The following RETREG1 variants were observed in gnomAD, a reference collection of about 807,000 sequenced individuals.
RETREG1 encodes the protein reticulophagy regulator 1.
In RETREG1, 44 loss-of-function variants were observed where a neutral mutation model predicts 54.8. That is an observed-to-expected ratio of 0.80 (90% CI 0.63 to 1.03). RETREG1 has a LOEUF of 1.03. Ranked by LOEUF, RETREG1 falls within the 50% of genes least tolerant of loss-of-function variation. The pLI, the probability that RETREG1 is intolerant of heterozygous loss-of-function variation, is 0.00. For missense variants in RETREG1, 554 were observed against 605.1 expected, an observed-to-expected ratio of 0.92 and a Z score of 0.89; for synonymous variants, 217 against 238.5, an observed-to-expected ratio of 0.91 and a Z score of 0.83.
intron 3 of RETREG1, among the ~76,000 whole-genome samples, chr5:16,525,805 T>C (rs1253426448): frequency 6.6e-6 from 1 of 151,984 alleles, no homozygotes; most frequent in Non-Finnish European, 1.5e-5. Flanking sequence ...AAATGGCTCA[T>C]GTGACTATGA....
Position 16,574,413 on chromosome 5 carries a change from C to T in RETREG1, c.321-2311G>A, listed in dbSNP as rs765701101. Among the ~76,000 whole-genome samples, 32 of 152,058 alleles carry T rather than the reference C, an allele frequency of 2.1e-4. 1 individual carries two copies. Among genetic ancestry groups the T allele is most frequent in the Non-Finnish European group, 3.4e-4 (23 of 68,020 alleles). ...TCTGAGGGCAACAGGAAGGATGTGACGGGGTAGGGAGGAAGCATGGAGTCC... is the reference window on the plus strand; with the variant it reads ...TCTGAGGGCAACAGGAAGGATGTGATGGGGTAGGGAGGAAGCATGGAGTCC... On this transcript the variant is annotated intron_variant, in intron 1 of 8. Transcript: ENST00000306320.
intron 1 of RETREG1, among the ~76,000 whole-genome samples, chr5:16,586,778 A>G (rs78253135): frequency 0.018 from 2,810 of 152,334 alleles, 100 homozygotes; most frequent in African/African-American, 0.065. Flanking sequence ...CTGCTGTAAC[A>G]AAATACCACA....
At chr5:16,496,204 T>C (rs77552802) in intron 3 of RETREG1, among the ~76,000 whole-genome samples, 3,630 of 152,316 alleles carry the variant, frequency 0.024, 153 homozygotes, top group African/African-American at 0.082. Context: ...TTATATGTAT[T>C]ACAATATAGG....
intron 3 of RETREG1, among the ~76,000 whole-genome samples, chr5:16,536,402 A>G (rs1234963121): frequency 1.3e-5 from 2 of 152,178 alleles, no homozygotes; most frequent in Admixed American, 1.3e-4. Context: ...GTCTGTGAAT[A>G]TGAGGAATCT....
In RETREG1 at chr5:16,478,061, T is replaced by C. The variant is rs1363829823; in HGVS notation, c.846A>G (p.Glu282=). 6.2e-7 allele frequency: 1 copy of C among 1,610,584 alleles called. No homozygotes were observed. The highest frequency in any genetic ancestry group is 8.5e-7 in the Non-Finnish European group (1 of 1,178,090). ...TAGGACAAAGAGCTGAAAAGTCTAA[T>C]TCACTGTCATCTTTGTGACTTTTTT... The part of the protein sequence containing the change: ...DKEKSHKDDS[E]LDFSALCPKI... Residue 282 remains glutamate (E), a synonymous_variant, in exon 7 of 9, where the codon GAA becomes GAG. Transcript: ENST00000306320.
rs147344133 is a variant in RETREG1 at position 16,473,970 on chromosome 5, T to C, written c.*771A>G. ...TCCCAACATCCCTATCACAAACATA[T>C]GACGAATGAACAACAAAACAACTGA... On this transcript the variant is annotated 3_prime_UTR_variant, in exon 9 of 9. Transcript: ENST00000306320. 2.0e-5 allele frequency: 3 copies of C among 152,302 alleles called. No homozygotes were observed. The highest frequency in any genetic ancestry group is 1.9e-4 in the East Asian group (1 of 5,184). The allele number at this position is 152,302 out of a possible 1,614,324, so 9.4% of individuals were successfully genotyped here.
At chr5:16,605,105 TAAAAC>T (rs916756966) in intron 1 of RETREG1, among the ~76,000 whole-genome samples, 6 of 152,040 alleles carry the variant, frequency 3.9e-5, no homozygotes, top group Admixed American at 2.0e-4. Flanking sequence ...CAAACATAAA[TAAAAC>T]AAAACAAAAG....
rs146675536 is a variant in RETREG1, at chr5:16,525,370, C to T, written c.458+40393G>A. ...GCTGATCTGCGTCCTTCGAGATGCTCAAGCCCCTTTCTCCCTTCCCCCCCG... is the reference window on the plus strand; with the variant it reads ...GCTGATCTGCGTCCTTCGAGATGCTTAAGCCCCTTTCTCCCTTCCCCCCCG... On this transcript the variant is annotated intron_variant, in intron 3 of 8. Transcript: ENST00000306320. 2.1e-3 allele frequency among the ~76,000 whole-genome samples: 320 copies of T among 152,230 alleles called. 2 individuals are homozygous for T. The highest frequency in any genetic ancestry group is 7.4e-3 in the African/African-American group (306 of 41,546).
At chr5:16,510,987 T>C (rs1740157652) in intron 3 of RETREG1, among the ~76,000 whole-genome samples, 1 of 152,188 alleles carries the variant, frequency 6.6e-6, no homozygotes, top group Non-Finnish European at 1.5e-5. Context: ...TCTTAGTTGC[T>C]GGTTACCACA....
chr5:16,519,187 C>T (rs1740452170), intron 3 of RETREG1, among the ~76,000 whole-genome samples: 1 of 152,222 alleles, frequency 6.6e-6, no homozygotes, highest in South Asian at 2.1e-4. Flanking sequence ...TACCCCCTCT[C>T]TCTCGCTGCG....
At chr5:16,491,158 C>G (rs1416065664) in intron 3 of RETREG1, among the ~76,000 whole-genome samples, 1 of 152,190 alleles carries the variant, frequency 6.6e-6, no homozygotes, top group Non-Finnish European at 1.5e-5. Flanking sequence ...TCCACATGAT[C>G]CCCCTAGGAC....
chr5:16,592,514 CA>C (rs1232406365), intron 1 of RETREG1, among the ~76,000 whole-genome samples: 1 of 121,828 alleles, frequency 8.2e-6, no homozygotes. Flanking sequence ...GAGCTAAATA[CA>C]GTACTACCAT....
intron 3 of RETREG1, among the ~76,000 whole-genome samples, chr5:16,564,926 T>C (rs1428063675): frequency 6.6e-6 from 1 of 152,370 alleles, no homozygotes; most frequent in South Asian, 2.1e-4. Flanking sequence ...TTTCATGGCA[T>C]TATTTTGTCC....
chr5:16,496,570 T>C (rs1354195922), intron 3 of RETREG1, among the ~76,000 whole-genome samples: 1 of 152,130 alleles, frequency 6.6e-6, no homozygotes, highest in African/African-American at 2.4e-5. Context: ...CTAGGAAACA[T>C]AGTTCAATTG....
chr5:16,514,913 A>ATATT (rs1554018609), intron 3 of RETREG1, among the ~76,000 whole-genome samples: 1 of 144,068 alleles, frequency 6.9e-6, no homozygotes, highest in African/African-American at 2.5e-5. Flanking sequence ...ATATATATAT[A>ATATT]ATATATATTA....
chr5:16,558,224 C>T (rs993221818), intron 3 of RETREG1, among the ~76,000 whole-genome samples: 1 of 152,136 alleles, frequency 6.6e-6, no homozygotes, highest in Non-Finnish European at 1.5e-5. Context: ...TGCACCACTG[C>T]ACTCCAGCCT....
chr5:16,478,517 A>C (rs377141066), intron 6 of RETREG1, among the ~76,000 whole-genome samples: 1 of 152,278 alleles, frequency 6.6e-6, no homozygotes, highest in East Asian at 1.9e-4. Context: ...AGAGATGATT[A>C]TATTGGCTTT....
chr5:16,474,843 A>C lies in RETREG1; in HGVS notation c.1392T>G (p.Asp464Glu). 1.2e-6 allele frequency: 2 copies of C among 1,613,768 alleles called. No individual in the cohort carries two copies. Among genetic ancestry groups the C allele is most frequent in the Non-Finnish European group, 1.7e-6 (2 of 1,179,920 alleles). The change falls in exon 9 of 9, where the codon GAT becomes GAG. Residue 464 changes from aspartate to glutamate, a missense_variant. Physicochemically the swap from Asp to Glu is conservative, Grantham distance 45 (BLOSUM62 2). This residue lies in a region of RETREG1 where 2 missense variants were observed against 18.3 expected (regional missense o/e 0.11). Transcript: ENST00000306320. ...DFELLDQSELDQIESELGLTQ... is the reference protein window; with the variant it reads ...DFELLDQSELEQIESELGLTQ... ...TAAGTCCCAATTCACTCTCAATTTG[A>C]TCCAGCTCTGACTGGTCAAGTAGTT... is the stretch of plus-strand genomic sequence containing the variant.
chr5:16,487,302 T>C (rs1739056878), intron 3 of RETREG1, among the ~76,000 whole-genome samples: 1 of 152,148 alleles, frequency 6.6e-6, no homozygotes. Flanking sequence ...CAAAAGGAAA[T>C]AGGTTCTTTG....
Sources: allele counts gnomAD v4.1 joint callset (sites outside exome capture counted in the v4.1 genomes callset), GRCh38; gene constraint gnomAD v4.1.1; regional missense constraint gnomAD v4.1.1; transcripts MANE v1.5; gene names NCBI Gene and HGNC (gene_info 2026-07-23, HGNC 2026-07-21).